Variants in ELL2 observed in about 807,000 individuals in gnomAD.
ELL2 encodes RNA polymerase II elongation factor ELL2.
In ELL2, 21 loss-of-function variants were observed where a neutral mutation model predicts 72.8. That is an observed-to-expected ratio of 0.29 (90% CI 0.20 to 0.42). ELL2 has a LOEUF of 0.42. Among genes scored for constraint, ELL2 ranks in the 10% least tolerant of loss-of-function variants. The probability of loss-of-function intolerance (pLI) is 1.00; values close to 1 mark genes in which losing one functional copy is unlikely to be tolerated. For missense variants in ELL2, 568 were observed against 772.8 expected, an observed-to-expected ratio of 0.73 and a Z score of 3.14; for synonymous variants, 266 against 283.2, an observed-to-expected ratio of 0.94 and a Z score of 0.61.
In ELL2 at chr5:95,895,674, T is replaced by G; in HGVS notation, c.1543A>C (p.Thr515Pro). 1 of 1,614,086 alleles carries G rather than the reference T, an allele frequency of 6.2e-7. No individual in the cohort carries two copies. Among genetic ancestry groups the G allele is most frequent in the Non-Finnish European group, 8.5e-7 (1 of 1,179,972 alleles). Residue 515 changes from threonine (T) to proline (P), a missense_variant, in exon 9 of 12, where the codon ACT becomes CCT. By Grantham distance (38) the Thr-to-Pro change is conservative. Transcript: ENST00000237853. ...ATTGCTGAAGGTTCCATGGAGGCAG[T>G]GCAATCCTCTTTAACTCCTATGAAG... is the stretch of plus-strand genomic sequence containing the variant. ...NSSGGVKEDC[T>P]ASMEPSAIEL...
chr5:95,955,987 C>A (rs113284632), intron 1 of ELL2, among the ~76,000 whole-genome samples: 1,974 of 152,100 alleles, frequency 0.013, 41 homozygotes, highest in African/African-American at 0.044. Context: ...GGCTTTATCA[C>A]CAATTACCTA....
chr5:95,906,037 G>A (rs1450376512), intron 5 of ELL2, among the ~76,000 whole-genome samples: 1 of 152,158 alleles, frequency 6.6e-6, no homozygotes, highest in African/African-American at 2.4e-5. Flanking sequence ...ACAAATGACT[G>A]ATCTTGGCAC....
chr5:95,961,431 C>T lies in ELL2; in HGVS notation c.147+144G>A. 3 of 1,041,770 alleles carry T rather than the reference C, an allele frequency of 2.9e-6. No homozygotes were observed. The East Asian group carries it at 1.0e-4, about 36-fold the overall frequency. 64.5% of individuals were successfully genotyped at this position (1,041,770 alleles called of 1,614,324 possible). ...GGGACCGCGGCGTCAGCCACCCTGCCCGGCCCTGCCCTGCCTGGCCGCTGC... is the reference window on the plus strand; with the variant it reads ...GGGACCGCGGCGTCAGCCACCCTGCTCGGCCCTGCCCTGCCTGGCCGCTGC... On this transcript the variant is annotated intron_variant, in intron 1 of 11. Coordinates refer to ENST00000237853, the MANE Select transcript of ELL2 (RefSeq NM_012081.6).
At chr5:95,910,215 A>T (rs1198747602) in intron 4 of ELL2, among the ~76,000 whole-genome samples, 1 of 152,134 alleles carries the variant, frequency 6.6e-6, no homozygotes, top group Non-Finnish European at 1.5e-5. Context: ...TTTGTCTGTC[A>T]TCAAAAATAA....
At chr5:95,895,716 G>A in intron 8 of ELL2, 25 bp from the exon 9 acceptor site, 3 of 1,592,372 alleles carry the variant, frequency 1.9e-6, no homozygotes, top group Non-Finnish European at 2.6e-6. Context: ...AACAAAATCA[G>A]AGCATTCATC....
At chr5:95,908,491 C>T (rs908678401) in intron 4 of ELL2, among the ~76,000 whole-genome samples, 1 of 152,172 alleles carries the variant, frequency 6.6e-6, no homozygotes, top group African/African-American at 2.4e-5. Context: ...TCTATGAGGG[C>T]AGGGCAGTGG....
chr5:95,895,612 AGACATAT>A lies in ELL2; in HGVS notation c.1589+9_1589+15del. On this transcript the variant is annotated intron_variant, in intron 9 of 11. Coordinates refer to ENST00000237853, the MANE Select transcript of ELL2 (RefSeq NM_012081.6). Reference sequence around the variant, plus strand: ...AAATTAAGCCGCTCTCTCCATTGGCAGACATATGAACTTACATCAAATAATCTGGGAG... The same window carrying A: ...AAATTAAGCCGCTCTCTCCATTGGCAGAACTTACATCAAATAATCTGGGAG... 3.1e-6 allele frequency: 5 copies of A among 1,610,916 alleles called. No homozygotes were observed. The highest frequency in any genetic ancestry group is 4.2e-6 in the Non-Finnish European group (5 of 1,177,330).
chr5:95,899,107 C>CT (rs1397224600), intron 7 of ELL2, among the ~76,000 whole-genome samples: 1 of 152,180 alleles, frequency 6.6e-6, no homozygotes, highest in Non-Finnish European at 1.5e-5. Context: ...TCTTTCTAAT[C>CT]ATACAGCTTT....
intron 2 of ELL2, among the ~76,000 whole-genome samples, chr5:95,926,623 C>G (rs1402583717): frequency 2.6e-5 from 4 of 152,100 alleles, no homozygotes; most frequent in Admixed American, 2.6e-4. Context: ...TCACATGGTT[C>G]CCCTGGATCC....
At chr5:95,895,794 A>G in intron 8 of ELL2, 103 bp from the exon 9 acceptor site, 1 of 915,238 alleles carries the variant, frequency 1.1e-6, no homozygotes, top group South Asian at 1.4e-5. Flanking sequence ...ACTTTTCCTC[A>G]AATTCTATTC....
chr5:95,954,347 A>C (rs1373383711), intron 1 of ELL2, among the ~76,000 whole-genome samples: 8 of 151,804 alleles, frequency 5.3e-5, no homozygotes, highest in Admixed American at 4.6e-4. Flanking sequence ...TCCTAGTGCC[A>C]ATGGCTAGAA....
chr5:95,900,971 T>G lies in ELL2; in HGVS notation c.851A>C (p.Glu284Ala). Residue 284 changes from glutamate (E) to alanine (A), a missense_variant, in exon 6 of 12, where the codon GAG becomes GCG. Around this residue, in one of 2 missense-constraint regions of ELL2, gnomAD observed 511 missense variants for 728.4 expected, o/e 0.70. Coordinates refer to ENST00000237853, the MANE Select transcript of ELL2 (RefSeq NM_012081.6). The stretch of plus-strand genomic sequence containing the variant: ...AAGAATTCACCTAGAGAGCACTGAC[T>G]CCAATGACCGTCTGTCTATTTCACT... Reference protein sequence around the residue: ...GYSEIDRRSLESVLSRKLNPS... With the variant: ...GYSEIDRRSLASVLSRKLNPS... 6.2e-7 allele frequency: 1 copy of G among 1,606,578 alleles called. No individual in the cohort carries two copies. The highest frequency in any genetic ancestry group is 8.5e-7 in the Non-Finnish European group (1 of 1,178,180).
chr5:95,926,595 T>G (rs1333804238), intron 2 of ELL2, among the ~76,000 whole-genome samples: 1 of 152,226 alleles, frequency 6.6e-6, no homozygotes, highest in Non-Finnish European at 1.5e-5. Context: ...AAGGTGAAAT[T>G]GCTTTCCCTG....
intron 3 of ELL2, among the ~76,000 whole-genome samples, chr5:95,916,080 T>G (rs952162112): frequency 2.6e-5 from 4 of 151,746 alleles, no homozygotes; most frequent in Non-Finnish European, 5.9e-5. Flanking sequence ...AGTGATGGCA[T>G]GAACCAGAGT....
chr5:95,903,662 A>G (rs1244146545), intron 5 of ELL2, among the ~76,000 whole-genome samples: 1 of 152,144 alleles, frequency 6.6e-6, no homozygotes, highest in Admixed American at 6.5e-5. Flanking sequence ...TTAAGTTTGA[A>G]GACTTTCAAT....
chr5:95,897,559 A>C (rs938531529), intron 8 of ELL2, among the ~76,000 whole-genome samples: 1 of 152,210 alleles, frequency 6.6e-6, no homozygotes, highest in Non-Finnish European at 1.5e-5. Context: ...GGATCTCTAG[A>C]TATTTAGCAT....
intron 7 of ELL2, among the ~76,000 whole-genome samples, chr5:95,899,035 A>G (rs527521700): frequency 1.4e-4 from 22 of 152,296 alleles, no homozygotes; most frequent in South Asian, 2.1e-4. Flanking sequence ...TGTGAAATAC[A>G]TTTTCATGTT....
intron 2 of ELL2, among the ~76,000 whole-genome samples, chr5:95,922,976 T>G (rs1397833294): frequency 6.6e-6 from 1 of 152,242 alleles, no homozygotes. Flanking sequence ...CCAGAGATAC[T>G]GCCAAACACC....
At chr5:95,954,596 C>CTTTTTTTTTTTTTTTTTTTTTTTTTTTT in intron 1 of ELL2, among the ~76,000 whole-genome samples, 1 of 105,868 alleles carries the variant, frequency 9.4e-6, no homozygotes, top group East Asian at 2.9e-4. Context: ...TTTTTTTTTT[C>CTTTTTTTTTTTTTTTTTTTTTTTTTTTT]TTTTTTTTTT....
Sources: allele counts gnomAD v4.1 joint callset (sites outside exome capture counted in the v4.1 genomes callset), GRCh38; gene constraint gnomAD v4.1.1; regional missense constraint gnomAD v4.1.1; transcripts MANE v1.5; gene names NCBI Gene and HGNC (gene_info 2026-07-23, HGNC 2026-07-21).